CLTB: variants seen among roughly 807,000 people sequenced by gnomAD.
CLTB encodes clathrin light chain B.
A neutral mutation model predicts 30.5 loss-of-function variants in CLTB; 10 were observed. The ratio of observed to expected loss-of-function variants is 0.33; its 90% CI spans 0.20 to 0.56. CLTB has a LOEUF of 0.56. Among genes scored for constraint, CLTB ranks in the 20% least tolerant of loss-of-function variants. CLTB has a pLI of 0.91. For missense variants in CLTB, 261 were observed against 308.3 expected, an observed-to-expected ratio of 0.85 and a Z score of 1.15; for synonymous variants, 102 against 120.3, an observed-to-expected ratio of 0.85 and a Z score of 1.00.
At chr5:176,409,499 C>T (rs1757315670) in intron 2 of CLTB, among the ~76,000 whole-genome samples, 1 of 149,702 alleles carries the variant, frequency 6.7e-6, no homozygotes, top group Non-Finnish European at 1.5e-5. Flanking sequence ...CTGCAACCTC[C>T]ACCTTCTGGG....
In CLTB at chr5:176,392,680, A is replaced by T; in HGVS notation, c.*94T>A. 1 of 1,416,878 alleles carries T rather than the reference A, an allele frequency of 7.1e-7. No individual in the cohort carries two copies. Among genetic ancestry groups the T allele is most frequent in the Non-Finnish European group, 9.8e-7 (1 of 1,024,904 alleles). The allele number at this position is 1,416,878 out of a possible 1,614,324, so 87.8% of individuals were successfully genotyped here. Reference sequence around the variant, plus strand: ...GGGAGGAGTGGAATAGGCTGTGGGTAGCAGCTGCTGCGAGTCTCCACCCCG... The same window carrying T: ...GGGAGGAGTGGAATAGGCTGTGGGTTGCAGCTGCTGCGAGTCTCCACCCCG... On this transcript the variant is annotated 3_prime_UTR_variant, in exon 6 of 6. Coordinates refer to ENST00000310418, the MANE Select transcript of CLTB (RefSeq NM_007097.5). The surrounding 1 kb of genome is among the most constrained non-coding windows in gnomAD (Gnocchi z 5.2).
intron 5 of CLTB, among the ~76,000 whole-genome samples, chr5:176,394,701 G>A (rs546409491): frequency 1.3e-5 from 2 of 152,234 alleles, no homozygotes; most frequent in East Asian, 1.9e-4. Context: ...TGTAGTCCCA[G>A]CTACTCAGGA....
At chr5:176,403,974 G>T (rs1581436439) in intron 2 of CLTB, among the ~76,000 whole-genome samples, 1 of 151,040 alleles carries the variant, frequency 6.6e-6, no homozygotes, top group South Asian at 2.1e-4. Flanking sequence ...TGTCCAGGCT[G>T]GTCTCAAACT....
In CLTB at chr5:176,394,556, G is replaced by A. The variant is rs566110710; in HGVS notation, c.519-1611C>T. 9.2e-5 allele frequency among the ~76,000 whole-genome samples: 14 copies of A among 151,894 alleles called. No homozygotes were observed. In the South Asian group the frequency reaches 2.7e-3, roughly 29 times the overall value. Reference sequence around the variant, plus strand: ...GGTGTGGCCAGGCGCGGTGGCTCATGCCTGTAATCCCAGCACTTTGGGAGG... The same window carrying A: ...GGTGTGGCCAGGCGCGGTGGCTCATACCTGTAATCCCAGCACTTTGGGAGG... On this transcript the variant is annotated intron_variant, in intron 5 of 5. Transcript: ENST00000310418.
intron 1 of CLTB, among the ~76,000 whole-genome samples, chr5:176,413,165 T>C (rs1430322599): frequency 3.9e-5 from 6 of 152,060 alleles, no homozygotes; most frequent in Non-Finnish European, 1.5e-5. Flanking sequence ...ACTGCCCATC[T>C]ACCACCGGGA....
chr5:176,412,042 G>A (rs1336338242), intron 1 of CLTB, among the ~76,000 whole-genome samples: 2 of 152,002 alleles, frequency 1.3e-5, no homozygotes, highest in Non-Finnish European at 2.9e-5. Flanking sequence ...CAGGCGTGGT[G>A]GCAGGCGCCT....
intron 1 of CLTB, among the ~76,000 whole-genome samples, chr5:176,413,189 G>C (rs1757533821): frequency 6.6e-6 from 1 of 152,182 alleles, no homozygotes; most frequent in African/African-American, 2.4e-5. Context: ...CACACTCACA[G>C]GCCAGCAGAA....
intron 2 of CLTB, among the ~76,000 whole-genome samples, chr5:176,400,861 C>A (rs1381180719): frequency 1.3e-5 from 2 of 152,180 alleles, no homozygotes; most frequent in Non-Finnish European, 2.9e-5. Flanking sequence ...TGAGCAAAGA[C>A]CCCTGGAGCC....
rs1581454521 is a variant in CLTB at position 176,416,465 on chromosome 5, G to A, written c.-102C>T. The A allele has an allele frequency of 3.5e-6, 3 of 849,282 alleles. No homozygotes were observed. Among genetic ancestry groups the A allele is most frequent in the Non-Finnish European group, 4.7e-6 (3 of 643,400 alleles). The allele number at this position is 849,282 out of a possible 1,614,324, so 52.6% of individuals were successfully genotyped here. A position where few individuals can be genotyped will look rare whatever the true frequency, so the allele number is the denominator to read the frequency against. ...CGACGCTGTCACCCGAGCCGCGGGG[G>A]AGCCGGCGTCGGCGGGGACGGGCTT... On this transcript the variant is annotated 5_prime_UTR_variant, in exon 1 of 6. Transcript: ENST00000310418.
At chr5:176,400,561 G>A (rs1218067266) in intron 2 of CLTB, among the ~76,000 whole-genome samples, 1 of 152,136 alleles carries the variant, frequency 6.6e-6, no homozygotes, top group Non-Finnish European at 1.5e-5. Context: ...CTCTGGTCTG[G>A]CAAAGCCTTT....
chr5:176,415,867 G>A (rs1269264001), intron 1 of CLTB, among the ~76,000 whole-genome samples: 1 of 152,204 alleles, frequency 6.6e-6, no homozygotes, highest in Non-Finnish European at 1.5e-5. Flanking sequence ...GCTATTAGGA[G>A]GCTCAGGAGG....
In CLTB at chr5:176,394,631, G is replaced by A. The variant is rs181687882; in HGVS notation, c.519-1686C>T. Among the ~76,000 whole-genome samples, 819 of 147,264 alleles carry A rather than the reference G, an allele frequency of 5.6e-3. 13 individuals are homozygous for A. Among genetic ancestry groups the A allele is most frequent in the African/African-American group, 5.9e-3 (238 of 40,270 alleles). On this transcript the variant is annotated intron_variant, in intron 5 of 5. Coordinates refer to ENST00000310418, the MANE Select transcript of CLTB (RefSeq NM_007097.5). ...AGATGGAGAGCATCCTGGCTAACACGGTGAAACCCCGTCTCTACTAAAAAA... is the reference window on the plus strand; with the variant it reads ...AGATGGAGAGCATCCTGGCTAACACAGTGAAACCCCGTCTCTACTAAAAAA...
At chr5:176,410,505 T>C (rs1291721075) in intron 1 of CLTB, among the ~76,000 whole-genome samples, 1 of 152,222 alleles carries the variant, frequency 6.6e-6, no homozygotes, top group Non-Finnish European at 1.5e-5. Context: ...CAGCCATTAG[T>C]ACATTTTATG....
At chr5:176,407,658 G>C (rs1024518241) in intron 2 of CLTB, 2 of 152,226 alleles carry the variant, frequency 1.3e-5, no homozygotes, top group African/African-American at 4.8e-5. Flanking sequence ...TGCACTTTAG[G>C]ACACAGAACT....
chr5:176,412,115 G>A (rs1382986158), intron 1 of CLTB, among the ~76,000 whole-genome samples: 2 of 150,046 alleles, frequency 1.3e-5, no homozygotes, highest in Non-Finnish European at 3.0e-5. Context: ...GGCGGAGCTT[G>A]CAGTGAGCCG....
intron 1 of CLTB, among the ~76,000 whole-genome samples, chr5:176,412,467 A>G (rs1757494117): frequency 6.6e-6 from 1 of 152,160 alleles, no homozygotes; most frequent in South Asian, 2.1e-4. Context: ...GCTAAATGGA[A>G]GTTGAATTGT....
rs1399346704 is a variant in CLTB at position 176,392,952 on chromosome 5, G to A, written c.519-7C>T. On this transcript the variant is annotated splice_polypyrimidine_tract_variant and splice_region_variant and intron_variant, in intron 5 of 5. Coordinates refer to ENST00000310418, the MANE Select transcript of CLTB (RefSeq NM_007097.5). The surrounding 1 kb of genome is among the most constrained non-coding windows in gnomAD (Gnocchi z 5.2). The stretch of plus-strand genomic sequence containing the variant: ...GAAAGCCTCCTCGGATGCCCTGCGG[G>A]TGGAGATAGGACGGGCTTTTATAGC... The A allele has an allele frequency of 1.9e-6, 3 of 1,614,060 alleles. No homozygotes were observed. The highest frequency in any genetic ancestry group is 2.5e-6 in the Non-Finnish European group (3 of 1,179,960).
At chr5:176,409,069 C>T (rs905420830) in intron 2 of CLTB, among the ~76,000 whole-genome samples, 6 of 151,930 alleles carry the variant, frequency 3.9e-5, no homozygotes, top group Non-Finnish European at 7.4e-5. Flanking sequence ...CTCCCACTCC[C>T]GGATTCAAGC....
At chr5:176,396,122 C>G (rs372808950) in intron 5 of CLTB, among the ~76,000 whole-genome samples, 2 of 152,218 alleles carry the variant, frequency 1.3e-5, no homozygotes, top group African/African-American at 4.8e-5. Flanking sequence ...GCAGCAAGAG[C>G]GAAACTCCAT....
Sources: gnomAD v4.1 joint callset for allele counts (sites outside exome capture counted in the v4.1 genomes callset) on GRCh38, gnomAD v4.1.1 for gene constraint, Gnocchi (gnomAD v3.1) non-coding constraint, MANE v1.5 for transcripts, NCBI Gene and HGNC (gene_info 2026-07-23, HGNC 2026-07-21) for gene names.